CTNNA3: variants seen among roughly 807,000 people sequenced by gnomAD.
The protein encoded by CTNNA3 is catenin alpha 3, also known as catenin alpha-3.
CTNNA3 carries 76 observed loss-of-function variants against 95.7 expected under a neutral mutation model. That is an observed-to-expected ratio of 0.79 (90% CI 0.66 to 0.96). CTNNA3 has a LOEUF of 0.96. CTNNA3 is among the 40% of genes least tolerant of loss of function. The probability of loss-of-function intolerance (pLI) is 0.00; values close to 1 mark genes in which losing one functional copy is unlikely to be tolerated. For missense variants in CTNNA3, 1,191 were observed against 1,089.8 expected, an observed-to-expected ratio of 1.09 and a Z score of -1.31; for synonymous variants, 431 against 374.4, an observed-to-expected ratio of 1.15 and a Z score of -1.74.
intron 7 of CTNNA3, among the ~76,000 whole-genome samples, chr10:67,091,131 T>C (rs1857605350): frequency 6.6e-6 from 1 of 151,894 alleles, no homozygotes; most frequent in South Asian, 2.1e-4. Flanking sequence ...TAGGACAAAA[T>C]AAACGTTGCT....
At chr10:67,073,974 C>G (rs1024418810) in intron 7 of CTNNA3, among the ~76,000 whole-genome samples, 3 of 151,592 alleles carry the variant, frequency 2.0e-5, no homozygotes, top group African/African-American at 7.3e-5. Flanking sequence ...ATATTTATTT[C>G]GCACAGCTAC....
chr10:66,114,961 TAA>T (rs57044622), intron 13 of CTNNA3, among the ~76,000 whole-genome samples: 1,787 of 152,238 alleles, frequency 0.012, 43 homozygotes, highest in African/African-American at 0.041. Context: ...TAGAATATTA[TAA>T]GTGACTTTTC....
intron 15 of CTNNA3, among the ~76,000 whole-genome samples, chr10:66,045,970 A>G (rs754272845): frequency 1.4e-4 from 21 of 152,180 alleles, no homozygotes; most frequent in Non-Finnish European, 1.5e-4. Context: ...GGAGTGGCCA[A>G]GATGGCCGAC....
chr10:65,976,671 A>G (rs1011578221), intron 16 of CTNNA3, among the ~76,000 whole-genome samples: 13 of 152,180 alleles, frequency 8.5e-5, no homozygotes, highest in African/African-American at 3.1e-4. Context: ...TGACATGCAG[A>G]AAGCCTTTCT....
At chr10:66,790,942 A>C (rs1237904991) in intron 7 of CTNNA3, among the ~76,000 whole-genome samples, 1 of 152,102 alleles carries the variant, frequency 6.6e-6, no homozygotes, top group Non-Finnish European at 1.5e-5. Context: ...TTACTTCTAG[A>C]ATCCATTCAC....
chr10:66,802,761 C>T (rs2132237993), intron 7 of CTNNA3, among the ~76,000 whole-genome samples: 1 of 150,394 alleles, frequency 6.6e-6, no homozygotes, highest in East Asian at 2.0e-4. Context: ...AGAATGGATA[C>T]ATTTGCTGTA....
intron 12 of CTNNA3, among the ~76,000 whole-genome samples, chr10:66,331,190 A>G (rs2092323229): frequency 6.6e-6 from 1 of 151,734 alleles, no homozygotes; most frequent in African/African-American, 2.4e-5. Flanking sequence ...TAGGGTTTTT[A>G]TGGTTTTAGG....
At chr10:66,639,055 G>A (rs1362329997) in intron 9 of CTNNA3, among the ~76,000 whole-genome samples, 1 of 152,050 alleles carries the variant, frequency 6.6e-6, no homozygotes, top group African/African-American at 2.4e-5. Context: ...TAGAGTCTGT[G>A]AGCCAGGGGC....
chr10:66,171,199 G>T (rs2085409029), intron 13 of CTNNA3, among the ~76,000 whole-genome samples: 1 of 151,860 alleles, frequency 6.6e-6, no homozygotes, highest in African/African-American at 2.4e-5. Flanking sequence ...GTAAGTCCTT[G>T]TAAAGTTTGT....
intron 10 of CTNNA3, among the ~76,000 whole-genome samples, chr10:66,570,381 C>T (rs926378108): frequency 4.6e-5 from 7 of 152,072 alleles, no homozygotes; most frequent in African/African-American, 1.7e-4. Context: ...CTCTGCCTCC[C>T]GGGTTCAAGC....
chr10:66,461,800 C>A (rs1282679305), intron 11 of CTNNA3, among the ~76,000 whole-genome samples: 1 of 145,436 alleles, frequency 6.9e-6, no homozygotes. Flanking sequence ...AAGTAATATC[C>A]TTGTATATCT....
At chr10:65,964,404 T>C (rs1447439889) in intron 17 of CTNNA3, among the ~76,000 whole-genome samples, 1 of 152,194 alleles carries the variant, frequency 6.6e-6, no homozygotes, top group Non-Finnish European at 1.5e-5. Context: ...GCAATGCTCT[T>C]CCTCATTTTA....
At chr10:67,537,614 T>C (rs1840526833) in intron 4 of CTNNA3, among the ~76,000 whole-genome samples, 1 of 152,192 alleles carries the variant, frequency 6.6e-6, no homozygotes, top group African/African-American at 2.4e-5. Context: ...ATTCTTTATA[T>C]ACAGTTACCT....
chr10:66,661,147 A>AT (rs1463243626), intron 9 of CTNNA3, among the ~76,000 whole-genome samples: 1 of 82,862 alleles, frequency 1.2e-5, no homozygotes, highest in African/African-American at 6.3e-5. Context: ...TCATATCACT[A>AT]TTTTCATTCT....
At chr10:66,446,271 C>A (rs1232832880) in intron 11 of CTNNA3, among the ~76,000 whole-genome samples, 7 of 152,192 alleles carry the variant, frequency 4.6e-5, no homozygotes, top group Admixed American at 1.3e-4. Flanking sequence ...ACCATTCCTT[C>A]TGAAACTATT....
intron 12 of CTNNA3, among the ~76,000 whole-genome samples, chr10:66,377,889 T>C (rs567963835): frequency 6.6e-6 from 1 of 152,228 alleles, no homozygotes; most frequent in South Asian, 2.1e-4. Context: ...TTGATACCGG[T>C]GACTTTGAGG....
intron 7 of CTNNA3, among the ~76,000 whole-genome samples, chr10:67,122,525 C>A (rs890962823): frequency 3.3e-5 from 5 of 152,012 alleles, no homozygotes; most frequent in Admixed American, 3.3e-4. Flanking sequence ...TGTCCATTTG[C>A]AAAGTCTATT....
At chr10:66,352,524 G>A (rs565060947) in intron 12 of CTNNA3, among the ~76,000 whole-genome samples, 3 of 152,196 alleles carry the variant, frequency 2.0e-5, no homozygotes, top group South Asian at 2.1e-4. Flanking sequence ...ACTGCATTGC[G>A]ATAGGGCCTT....
chr10:66,831,851 T>C (rs909309606), intron 7 of CTNNA3, among the ~76,000 whole-genome samples: 2 of 152,190 alleles, frequency 1.3e-5, no homozygotes, highest in East Asian at 3.9e-4. Flanking sequence ...AGGGATGAGA[T>C]ATTCTGATTA....
Sources: gnomAD v4.1 joint callset for allele counts (sites outside exome capture counted in the v4.1 genomes callset) on GRCh38, gnomAD v4.1.1 for gene constraint, MANE v1.5 for transcripts, NCBI Gene and HGNC (gene_info 2026-07-23, HGNC 2026-07-21) for gene names.